MICALL1: variants seen among roughly 807,000 people sequenced by gnomAD.
The protein encoded by MICALL1 is MICAL like 1, also known as MICAL-like protein 1.
A neutral mutation model predicts 83.7 loss-of-function variants in MICALL1; 61 were observed. The ratio of observed to expected loss-of-function variants is 0.73; its 90% CI spans 0.59 to 0.90. The LOEUF (loss-of-function observed/expected upper bound fraction) is 0.90, where lower values mean the gene tolerates loss of function less well. MICALL1 is among the 40% of genes least tolerant of loss of function. The pLI, the probability that MICALL1 is intolerant of heterozygous loss-of-function variation, is 0.00. For synonymous variants in MICALL1, 481 were observed against 473.6 expected (o/e 1.02, Z -0.20); for missense variants, 1,066 against 1,152.0 (o/e 0.93, Z 1.08).
intron 8 of MICALL1, among the ~76,000 whole-genome samples, chr22:37,926,357 G>T (rs908976840): frequency 6.6e-6 from 1 of 152,152 alleles, no homozygotes; most frequent in Non-Finnish European, 1.5e-5. Flanking sequence ...CTCGTTAAAC[G>T]TGCTGTCTAG....
chr22:37,916,734 C>T (rs1928699923), intron 3 of MICALL1, among the ~76,000 whole-genome samples: 2 of 152,126 alleles, frequency 1.3e-5, no homozygotes, highest in Admixed American at 6.6e-5. Flanking sequence ...TGAAGGAAGC[C>T]GAGTGGCTGT....
Position 37,924,667 on chromosome 22 carries a change from G to T in MICALL1, c.1032G>T (p.Leu344=). The change falls in exon 7 of 16, where the codon CTG becomes CTT. Residue 344 remains leucine (L), a synonymous_variant. Coordinates refer to ENST00000215957, the MANE Select transcript of MICALL1 (RefSeq NM_033386.4). This position sits in a 1 kb window ranked among gnomAD's most constrained non-coding sequence, Gnocchi z 5.2. ...AGSSSLVNGR[L]HELPVPKPRG... The stretch of plus-strand genomic sequence containing the variant: ...CTCTCCTTTCCCATCTAGGGAGACT[G>T]CACGAACTGCCTGTCCCCAAGCCGA... The T allele has an allele frequency of 6.2e-7, 1 of 1,612,186 alleles. No individual in the cohort carries two copies. The highest frequency in any genetic ancestry group is 8.5e-7 in the Non-Finnish European group (1 of 1,179,004).
rs138003560 is a variant in MICALL1 at position 37,927,722 on chromosome 22, C to T, written c.1777C>T (p.Pro593Ser). The change falls in exon 9 of 16, where the codon CCA (proline) becomes TCA (serine). Residue 593 changes from proline to serine, a missense_variant. Coordinates refer to ENST00000215957, the MANE Select transcript of MICALL1 (RefSeq NM_033386.4). ...GACCAGGGGCAGCTCAGGTCCCCAGCCAGCCAAGCCCTGCAGTGGCGCCAC... is the reference window on the plus strand; with the variant it reads ...GACCAGGGGCAGCTCAGGTCCCCAGTCAGCCAAGCCCTGCAGTGGCGCCAC... Reference protein sequence around the residue: ...PRTRGSSGPQPAKPCSGATPT... With the variant: ...PRTRGSSGPQSAKPCSGATPT... 1 of 1,614,024 alleles carries T rather than the reference C, an allele frequency of 6.2e-7. No individual in the cohort carries two copies. The highest frequency in any genetic ancestry group is 1.3e-5 in the African/African-American group (1 of 75,038).
In MICALL1 at chr22:37,937,250, T is replaced by C. The variant is rs376467780; in HGVS notation, c.2423+56T>C. 1.1e-4 allele frequency: 132 copies of C among 1,234,110 alleles called. 1 individual carries two copies. The highest frequency in any genetic ancestry group is 4.8e-4 in the East Asian group (18 of 37,312). 76.4% of individuals were successfully genotyped at this position (1,234,110 alleles called of 1,614,324 possible). A position where few individuals can be genotyped will look rare whatever the true frequency, so the allele number is the denominator to read the frequency against. On this transcript the variant is annotated intron_variant, in intron 14 of 15. Transcript: ENST00000215957. The stretch of plus-strand genomic sequence containing the variant: ...GGCAGGGCCAGAGCAGGTCAGGCTC[T>C]GGGCCTCATGGGTGGGGCAGCTCCC...
chr22:37,927,332 T>G, intron 8 of MICALL1, 79 bp from the exon 9 acceptor site: 3 of 1,430,536 alleles, frequency 2.1e-6, no homozygotes, highest in Non-Finnish European at 1.8e-6. Flanking sequence ...GCGGCTCTGT[T>G]GAGAGTGGAG....
chr22:37,922,597 ATATATTTTTTTTTT>A (rs1367203511), intron 6 of MICALL1, among the ~76,000 whole-genome samples, 171 bp downstream of exon 6: 316 of 77,080 alleles, frequency 4.1e-3, no homozygotes, highest in African/African-American at 0.017. Flanking sequence ...ATATATATAT[ATATATTTTTTTTTT>A]TTTTTTTTTT....
chr22:37,912,553 G>T, intron 3 of MICALL1, 61 bp downstream of exon 3: 1 of 1,473,134 alleles, frequency 6.8e-7, no homozygotes, highest in Non-Finnish European at 9.1e-7. Flanking sequence ...GGGGATGTCT[G>T]ATGCTTGCTA....
chr22:37,917,550 C>T (rs141009116), intron 3 of MICALL1, among the ~76,000 whole-genome samples, 157 bp from the exon 4 acceptor site: 2,869 of 152,114 alleles, frequency 0.019, 44 homozygotes, highest in Non-Finnish European at 0.031. Context: ...GAAGCGTCCC[C>T]GGGCCCGTGT....
chr22:37,937,517 A>G (rs1430618253), intron 14 of MICALL1, among the ~76,000 whole-genome samples: 1 of 143,820 alleles, frequency 7.0e-6, no homozygotes, highest in Admixed American at 7.5e-5. Context: ...TCTGTCTCCC[A>G]GGTTCAAGCG....
chr22:37,927,685 C>G lies in MICALL1; in HGVS notation c.1740C>G (p.Gly580=). The G allele has an allele frequency of 6.2e-7, 1 of 1,614,190 alleles. No individual in the cohort carries two copies. The highest frequency in any genetic ancestry group is 8.5e-7 in the Non-Finnish European group (1 of 1,180,040). ...AACAAATGCCTCAAGCCAGCCCTGG[C>G]CTTGCCCCCAGGACCAGGGGCAGCT... ...RVEQMPQASP[G]LAPRTRGSSG... is the part of the protein sequence containing the mutation. The change falls in exon 9 of 16, where the codon GGC becomes GGG. Residue 580 remains glycine, a synonymous_variant. Transcript: ENST00000215957.
intron 7 of MICALL1, among the ~76,000 whole-genome samples, chr22:37,925,176 C>T (rs536516856): frequency 3.3e-5 from 5 of 152,270 alleles, no homozygotes; most frequent in South Asian, 4.1e-4. Flanking sequence ...CCCATGTGGT[C>T]GGTCTGTAGG....
chr22:37,936,983 G>A (rs1431957678), intron 13 of MICALL1, 97 bp from the exon 14 acceptor site: 1 of 955,748 alleles, frequency 1.0e-6, no homozygotes, highest in African/African-American at 1.6e-5. Context: ...ATTTAGCATG[G>A]GGCTGGCCTG....
chr22:37,920,368 A>G (rs972522920), intron 5 of MICALL1, among the ~76,000 whole-genome samples: 1 of 152,080 alleles, frequency 6.6e-6, no homozygotes, highest in African/African-American at 2.4e-5. Flanking sequence ...CTGGTGCTGG[A>G]ACCCTGGAAC....
chr22:37,912,351 G>C lies in MICALL1; in HGVS notation c.196G>C (p.Ala66Pro). 6.2e-7 allele frequency: 1 copy of C among 1,609,250 alleles called. No individual in the cohort carries two copies. The highest frequency in any genetic ancestry group is 8.5e-7 in the Non-Finnish European group (1 of 1,176,834). ...KDNVFENNRL[A>P]FEVAEKELGI... ...GCCCTTGTACCTGTCACCACCCCAGGCCTTTGAAGTGGCTGAGAAGGAGCT... is the reference window on the plus strand; with the variant it reads ...GCCCTTGTACCTGTCACCACCCCAGCCCTTTGAAGTGGCTGAGAAGGAGCT... Residue 66 changes from alanine to proline, a missense_variant and splice_region_variant, in exon 3 of 16, where the codon GCC (alanine) becomes CCC (proline). Ala to Pro is a conservative substitution (Grantham distance 27, BLOSUM62 -1). Transcript: ENST00000215957.
rs184379834 is a variant in MICALL1 at position 37,936,751 on chromosome 22, G to A, written c.2309-329G>A. Among the ~76,000 whole-genome samples, 3 of 152,296 alleles carry A rather than the reference G, an allele frequency of 2.0e-5. No homozygotes were observed. The East Asian group carries it at 5.8e-4, about 29-fold the overall frequency. On this transcript the variant is annotated intron_variant, in intron 13 of 15. Coordinates refer to ENST00000215957, the MANE Select transcript of MICALL1 (RefSeq NM_033386.4). ...ACTAAAAATATAAAAAATTAGCTGA[G>A]CGTGGTGGCAGGTGCCTGTAGTCCC...
At position 37,927,490 on chromosome 22, in the gene MICALL1, G is replaced by T; in HGVS notation, c.1545G>T (p.Ser515=). ...PSPALSVESL[S]SESASQTAGA... ...CAGCGCTCAGCGTGGAGAGCCTGTCGTCTGAGAGCGCCAGCCAGACTGCAG... is the reference window on the plus strand; with the variant it reads ...CAGCGCTCAGCGTGGAGAGCCTGTCTTCTGAGAGCGCCAGCCAGACTGCAG... The change falls in exon 9 of 16, where the codon TCG becomes TCT. Residue 515 remains serine (S), a synonymous_variant. Transcript: ENST00000215957. The T allele has an allele frequency of 6.2e-7, 1 of 1,612,104 alleles. No individual in the cohort carries two copies. Among genetic ancestry groups the T allele is most frequent in the Non-Finnish European group, 8.5e-7 (1 of 1,178,528 alleles).
chr22:37,918,658 CA>C lies in MICALL1; in HGVS notation c.427-377del, dbSNP rs1928824520. 2.6e-5 allele frequency among the ~76,000 whole-genome samples: 4 copies of C among 152,226 alleles called. No individual in the cohort carries two copies. In the South Asian group the frequency reaches 6.2e-4, roughly 24 times the overall value. On this transcript the variant is annotated intron_variant, in intron 4 of 15. Transcript: ENST00000215957. ...TCGGCCTGGGAGGACAGGAACCTGT[CA>C]GGGGGGCTCCCCCGCAAAGGGGAGG...
chr22:37,933,127 T>A lies in MICALL1; in HGVS notation c.2308+15T>A, dbSNP rs1192764631. The A allele has an allele frequency of 6.2e-7, 1 of 1,612,604 alleles. No homozygotes were observed. The highest frequency in any genetic ancestry group is 1.3e-5 in the African/African-American group (1 of 74,970). ...CAATAAGCCAGGTGAGTGCAGCCAC[T>A]GGCACTCCCCTGGCACCTGCCCTGG... On this transcript the variant is annotated intron_variant, in intron 13 of 15. Coordinates refer to ENST00000215957, the MANE Select transcript of MICALL1 (RefSeq NM_033386.4).
chr22:37,917,907 C>A, intron 4 of MICALL1, 112 bp downstream of exon 4: 1 of 954,334 alleles, frequency 1.0e-6, no homozygotes, highest in Non-Finnish European at 1.6e-6. Context: ...TGACAGTGTT[C>A]AGAGGGTGCT....
Sources: allele counts gnomAD v4.1 joint callset (sites outside exome capture counted in the v4.1 genomes callset), GRCh38; gene constraint gnomAD v4.1.1; non-coding constraint Gnocchi (gnomAD v3.1); transcripts MANE v1.5; gene names NCBI Gene and HGNC (gene_info 2026-07-23, HGNC 2026-07-21).